Variants in ANK2 observed in about 807,000 individuals in gnomAD.
ANK2 encodes ankyrin-2.
A neutral mutation model predicts 360.5 loss-of-function variants in ANK2; 83 were observed. The ratio of observed to expected loss-of-function variants is 0.23; its 90% confidence interval spans 0.19 to 0.28. The LOEUF (loss-of-function observed/expected upper bound fraction) is 0.28. Among genes scored for constraint, ANK2 ranks in the 10% least tolerant of loss-of-function variants. The pLI, the probability that ANK2 is intolerant of heterozygous loss-of-function variation, is 1.00. For synonymous variants in ANK2, 1,740 were observed against 1,759.5 expected (o/e 0.99, Z 0.28); for missense variants, 4,201 against 4,795.7 (o/e 0.88, Z 3.66).
chr4:113,332,472 A>G (rs1034076361), intron 28 of ANK2, among the ~76,000 whole-genome samples: 6 of 152,254 alleles, frequency 3.9e-5, no homozygotes, highest in African/African-American at 1.4e-4. Context: ...GATCCTGAAT[A>G]TAATAGGCAT....
chr4:113,068,888 C>G (rs1405861624), intron 1 of ANK2, among the ~76,000 whole-genome samples: 1 of 151,956 alleles, frequency 6.6e-6, no homozygotes, highest in Non-Finnish European at 1.5e-5. Context: ...TAGTGAGACC[C>G]TCATCTGTAC....
chr4:113,304,090 C>T (rs1429505505), intron 23 of ANK2, among the ~76,000 whole-genome samples: 7 of 152,172 alleles, frequency 4.6e-5, no homozygotes, highest in Non-Finnish European at 1.0e-4. Flanking sequence ...TTCCCAAGGC[C>T]AGCAGTTCCA....
the ANK2 span, among the ~76,000 whole-genome samples, chr4:112,733,565 C>T: frequency 6.6e-6 from 1 of 152,134 alleles, no homozygotes; most frequent in African/African-American, 2.4e-5. Context: ...AGACTTCAAG[C>T]TTCTGCAGAA....
At chr4:112,744,349 AT>A in the ANK2 span, among the ~76,000 whole-genome samples, 308 of 140,054 alleles carry the variant, frequency 2.2e-3, no homozygotes, top group African/African-American at 4.4e-3. Context: ...TTAGGATATG[AT>A]TTTTTTTTTT....
chr4:112,879,560 G>A (rs909225860), intron 1 of ANK2, among the ~76,000 whole-genome samples: 3 of 152,246 alleles, frequency 2.0e-5, no homozygotes, highest in Non-Finnish European at 2.9e-5. Context: ...CACAGAAACC[G>A]TGAAATAATA....
intron 1 of ANK2, among the ~76,000 whole-genome samples, chr4:113,117,671 A>T (rs567022321): frequency 6.6e-6 from 1 of 152,198 alleles, no homozygotes; most frequent in Non-Finnish European, 1.5e-5. Flanking sequence ...TGTCTCAATT[A>T]TCTTTATTTA....
intron 42 of ANK2, 109 bp downstream of exon 42, chr4:113,367,960 C>A: frequency 7.6e-7 from 1 of 1,321,550 alleles, no homozygotes; most frequent in Non-Finnish European, 1.1e-6. Flanking sequence ...TAAAATGACC[C>A]TACCAAACAC....
intron 1 of ANK2, among the ~76,000 whole-genome samples, chr4:113,058,430 A>G (rs1199025663): frequency 2.6e-5 from 4 of 152,122 alleles, no homozygotes; most frequent in Non-Finnish European, 5.9e-5. Flanking sequence ...AAGTATTTCT[A>G]TGTGGCCAAT....
At chr4:112,814,815 C>T (rs749976517), upstream of ANK2, among the ~76,000 whole-genome samples, 4 of 152,088 alleles carry the variant, frequency 2.6e-5, no homozygotes, top group Non-Finnish European at 5.9e-5. Flanking sequence ...TTTGTTAACT[C>T]TATAGATTTT....
At chr4:113,237,485 A>T in intron 6 of ANK2, 114 bp from the exon 7 acceptor site, 1 of 1,020,594 alleles carries the variant, frequency 9.8e-7, no homozygotes, top group Non-Finnish European at 1.6e-6. Context: ...TTCCAGTAGA[A>T]TGCATTTTGC....
chr4:113,161,904 T>C (rs1279863360), intron 1 of ANK2, among the ~76,000 whole-genome samples: 1 of 152,146 alleles, frequency 6.6e-6, no homozygotes, highest in Non-Finnish European at 1.5e-5. Context: ...CGAAATCCAG[T>C]GTCTACAGAA....
chr4:112,958,486 C>G (rs954433959), intron 2 of ANK2, among the ~76,000 whole-genome samples: 1 of 151,884 alleles, frequency 6.6e-6, no homozygotes, highest in South Asian at 2.1e-4. Flanking sequence ...CGCAGGCACT[C>G]GGCAGGCTGA....
chr4:112,824,908 A>G (rs1036493104), intron 1 of ANK2, among the ~76,000 whole-genome samples: 3 of 151,388 alleles, frequency 2.0e-5, no homozygotes, highest in Non-Finnish European at 4.4e-5. Flanking sequence ...TTTTAAGATG[A>G]TTTGGTAAAA....
chr4:113,144,451 T>TA (rs550719836), intron 1 of ANK2, among the ~76,000 whole-genome samples: 12 of 151,122 alleles, frequency 7.9e-5, no homozygotes, highest in South Asian at 4.2e-4. Flanking sequence ...TTTTTAGCTT[T>TA]AAAAAAAAAT....
intron 29 of ANK2, among the ~76,000 whole-genome samples, chr4:113,334,981 G>T (rs1296769139): frequency 6.6e-6 from 1 of 151,900 alleles, no homozygotes; most frequent in Non-Finnish European, 1.5e-5. Context: ...TTACTATCTA[G>T]CTATGCCCAA....
rs34667216 is a variant in ANK2, at chr4:113,149,874, C to CAAAAAAAAAAAAA, written c.85-24528_85-24516dup. ...CTTGCGTGAGAGTGAGACCCTGCCT[C>CAAAAAAAAAAAAA]AAAAAAAAAAAAAAAAAAAAAAAAA... On this transcript the variant is annotated intron_variant, in intron 1 of 45. Transcript: ENST00000357077. Among the ~76,000 whole-genome samples the CAAAAAAAAAAAAA allele has an allele frequency of 1.4e-3, 44 of 31,402 alleles. 2 individuals carry two copies. The highest frequency in any genetic ancestry group is 3.8e-3 in the African/African-American group (30 of 7,794). The allele number at this position is 31,402 out of a possible 152,430, so 20.6% of individuals were successfully genotyped here.
At chr4:113,165,233 T>C (rs916196901) in intron 1 of ANK2, among the ~76,000 whole-genome samples, 2 of 152,182 alleles carry the variant, frequency 1.3e-5, no homozygotes, top group African/African-American at 4.8e-5. Flanking sequence ...AAAATAAGTT[T>C]TTCATTATTT....
rs115588304 is a variant in ANK2 at position 113,010,471 on chromosome 4, C to G, written c.21+105957C>G. 3.6e-4 allele frequency among the ~76,000 whole-genome samples: 55 copies of G among 152,194 alleles called. 1 individual carries two copies. Among genetic ancestry groups the G allele is most frequent in the African/African-American group, 1.3e-3 (52 of 41,544 alleles). On this transcript the variant is annotated intron_variant, in intron 2 of 30. Transcript: ENST00000503271. ...ATACATACTGAGCGTAGACTATGCA[C>G]CTGACATTGCACTAGATGCTGGGAA...
intron 2 of ANK2, among the ~76,000 whole-genome samples, chr4:113,178,571 C>CAAA (rs537519981): frequency 1.2e-3 from 116 of 98,180 alleles, no homozygotes; most frequent in African/African-American, 4.3e-3. Flanking sequence ...GACTCCATCT[C>CAAA]AAAAAAAAAA....
Sources: gnomAD v4.1 joint callset for allele counts (sites outside exome capture counted in the v4.1 genomes callset) on GRCh38, gnomAD v4.1.1 for gene constraint, MANE v1.5 for transcripts, NCBI Gene and HGNC (gene_info 2026-07-23, HGNC 2026-07-21) for gene names.